Variants in PXDC1 observed in about 807,000 individuals in gnomAD.
PXDC1 encodes the protein PX domain containing 1, also known as PX domain-containing protein 1.
In PXDC1, 13 loss-of-function variants were observed where a neutral mutation model predicts 24.4. The ratio of observed to expected loss-of-function variants is 0.53; its 90% CI spans 0.35 to 0.85. The LOEUF is 0.85. Among genes scored for constraint, PXDC1 ranks in the 40% least tolerant of loss-of-function variants. PXDC1 has a pLI of 0.01. For missense variants in PXDC1, 344 were observed against 309.3 expected (o/e 1.11, Z -0.84); for synonymous variants, 162 against 124.9 (o/e 1.30, Z -1.98).
At chr6:3,738,222 G>A (rs1760372773) in intron 1 of PXDC1, 74 bp from the exon 2 acceptor site, 4 of 1,143,958 alleles carry the variant, frequency 3.5e-6, no homozygotes, top group South Asian at 1.2e-5. Flanking sequence ...ATACACAACA[G>A]GTGCCCACAA....
rs369561607 is a variant in PXDC1 at position 3,751,333 on chromosome 6, G to A, written c.199C>T (p.Leu67=). 6.3e-5 allele frequency: 98 copies of A among 1,551,940 alleles called. No individual in the cohort carries two copies. The African/African-American group carries it at 1.1e-3, about 18-fold the overall frequency. Residue 67 remains leucine (L), a synonymous_variant, in exon 1 of 5, where the codon CTG becomes TTG. Coordinates refer to ENST00000380283, the MANE Select transcript of PXDC1 (RefSeq NM_183373.4). ...CGGTCCTCGGGAAAGGCGTCGCGCA[G>A]GCGCTGCCACAGGCGGCCCAGGTCC... ...LADLGRLWQR[L]RDAFPEDRSE...
chr6:3,739,061 G>C, intron 1 of PXDC1: 1 of 1,187,576 alleles, frequency 8.4e-7, no homozygotes, highest in Non-Finnish European at 1.1e-6. Context: ...CACCAACCTA[G>C]TATTATTGGT....
rs757491911 is a variant in PXDC1 at position 3,728,813 on chromosome 6, G to A, written c.467-1151C>T. 1.2e-4 allele frequency among the ~76,000 whole-genome samples: 18 copies of A among 152,226 alleles called. No homozygotes were observed. In the East Asian group the frequency reaches 1.7e-3, roughly 15 times the overall value. ...TGAGGGACCGCGTTTCCGTCCCCTC[G>A]CTCAGCAGATGAGATCTGGTAGCCA... On this transcript the variant is annotated intron_variant, in intron 3 of 4. Transcript: ENST00000380283. The surrounding 1 kb of genome is among the most constrained non-coding windows in gnomAD (Gnocchi z 4.0).
chr6:3,751,433 G>A lies in PXDC1; in HGVS notation c.99C>T (p.Gly33=), dbSNP rs1460579821. 4 of 1,589,680 alleles carry A rather than the reference G, an allele frequency of 2.5e-6. No homozygotes were observed. The highest frequency in any genetic ancestry group is 1.7e-5 in the Admixed American group (1 of 57,378). ...GIRRLIVSRR[G]DEEEFFEIRT... ...GGATCTCGAAGAACTCCTCTTCGTC[G>A]CCGCGCCGGCTGACGATGAGCCTGC... Residue 33 remains glycine (G), a synonymous_variant, in exon 1 of 5, where the codon GGC becomes GGT. Coordinates refer to ENST00000380283, the MANE Select transcript of PXDC1 (RefSeq NM_183373.4).
chr6:3,738,659 A>G (rs897377324), intron 1 of PXDC1: 3 of 518,206 alleles, frequency 5.8e-6, no homozygotes, highest in Admixed American at 6.8e-5. Flanking sequence ...CAAGGAAAAA[A>G]GTCAGATCTC....
chr6:3,740,024 C>T (rs546981630), intron 1 of PXDC1, among the ~76,000 whole-genome samples: 1 of 152,338 alleles, frequency 6.6e-6, no homozygotes, highest in African/African-American at 2.4e-5. Flanking sequence ...TATATTTCAA[C>T]TTTCATTACA....
In PXDC1 at chr6:3,737,308, C is replaced by T. The variant is rs998342917; in HGVS notation, c.349-112G>A. 22 of 764,032 alleles carry T rather than the reference C, an allele frequency of 2.9e-5. No individual in the cohort carries two copies. Among genetic ancestry groups the T allele is most frequent in the Admixed American group, 4.2e-5 (2 of 48,018 alleles). The allele number at this position is 764,032 out of a possible 1,614,324, so 47.3% of individuals were successfully genotyped here. A position where few individuals can be genotyped will look rare whatever the true frequency, so the allele number is the denominator to read the frequency against. On this transcript the variant is annotated intron_variant, in intron 2 of 4. Coordinates refer to ENST00000380283, the MANE Select transcript of PXDC1 (RefSeq NM_183373.4). This position sits in a 1 kb window ranked among gnomAD's most constrained non-coding sequence, Gnocchi z 5.5. ...GCAGAGGCAGCCTGTGTGATGCAAA[C>T]GCCCCATGAATGTCCAGATGCTCCC...
intron 1 of PXDC1, among the ~76,000 whole-genome samples, chr6:3,749,272 C>T (rs1283326489): frequency 1.3e-5 from 2 of 151,170 alleles, no homozygotes; most frequent in African/African-American, 2.4e-5. Context: ...GTGAGAAAGT[C>T]CTTTACACCC....
intron 1 of PXDC1, among the ~76,000 whole-genome samples, chr6:3,741,454 C>A (rs963728481): frequency 7.9e-5 from 12 of 152,198 alleles, no homozygotes; most frequent in Non-Finnish European, 1.6e-4. Context: ...AAGGGCACGT[C>A]CATTATTGAA....
intron 1 of PXDC1, among the ~76,000 whole-genome samples, chr6:3,741,800 C>G (rs1760454257): frequency 6.6e-6 from 1 of 152,246 alleles, no homozygotes; most frequent in Non-Finnish European, 1.5e-5. Context: ...AGACTACAGA[C>G]AGCCTGGCCT....
chr6:3,748,524 T>C (rs1448236115), intron 1 of PXDC1, among the ~76,000 whole-genome samples: 3 of 152,052 alleles, frequency 2.0e-5, no homozygotes, highest in African/African-American at 7.2e-5. Flanking sequence ...CCGTGACACA[T>C]ACAAGGCCCA....
Position 3,737,969 on chromosome 6 carries a change from A to G in PXDC1, c.348+88T>C. ...TAAGTGAGACAGAGCAAGCAAGTCA[A>G]CCCTCCGGGGGGATGGACGCCTTTC... On this transcript the variant is annotated intron_variant, in intron 2 of 4. Coordinates refer to ENST00000380283, the MANE Select transcript of PXDC1 (RefSeq NM_183373.4). The surrounding 1 kb of genome is among the most constrained non-coding windows in gnomAD (Gnocchi z 5.5). The G allele has an allele frequency of 9.0e-7, 1 of 1,107,748 alleles. No individual in the cohort carries two copies. Among genetic ancestry groups the G allele is most frequent in the Non-Finnish European group, 1.4e-6 (1 of 738,810 alleles). The allele number at this position is 1,107,748 out of a possible 1,614,324, so 68.6% of individuals were successfully genotyped here.
chr6:3,738,495 C>A (rs1581247573), intron 1 of PXDC1, among the ~76,000 whole-genome samples: 1 of 152,200 alleles, frequency 6.6e-6, no homozygotes, highest in South Asian at 2.1e-4. Flanking sequence ...TCAGGCCCCA[C>A]CAGCGTGGTG....
In PXDC1 at chr6:3,724,332, T is replaced by C. The variant is rs532116660; in HGVS notation, c.579-596A>G. On this transcript the variant is annotated intron_variant, in intron 4 of 4. Transcript: ENST00000380283. This position sits in a 1 kb window ranked among gnomAD's most constrained non-coding sequence, Gnocchi z 4.5. ...AGCATCCGAACATGGGGGACTTACATGGGGTGTGGAGAACTAGGGAAGAAT... is the reference window on the plus strand; with the variant it reads ...AGCATCCGAACATGGGGGACTTACACGGGGTGTGGAGAACTAGGGAAGAAT... Among the ~76,000 whole-genome samples the C allele has an allele frequency of 1.3e-5, 2 of 152,032 alleles. No homozygotes were observed. The highest frequency in any genetic ancestry group is 4.8e-5 in the African/African-American group (2 of 41,440).
In PXDC1 at chr6:3,738,122, C is replaced by T. The variant is rs1283560756; in HGVS notation, c.283G>A (p.Asp95Asn). 22 of 1,614,072 alleles carry T rather than the reference C, an allele frequency of 1.4e-5. No individual in the cohort carries two copies. Among genetic ancestry groups the T allele is most frequent in the East Asian group, 2.2e-5 (1 of 44,874 alleles). The change falls in exon 2 of 5, where the codon GAC (aspartate) becomes AAC (asparagine). Residue 95 changes from aspartate to asparagine, a missense_variant. Physicochemically the swap from Asp to Asn is conservative, Grantham distance 23. Transcript: ENST00000380283. The stretch of plus-strand genomic sequence containing the variant: ...ACCTCATTAAGCCTGGTCTCTATGT[C>T]GTGGGCTTCCTTTATGGCAACCAGT... ...QGLVAIKEAHDIETRLNEVEK... is the reference protein window; with the variant it reads ...QGLVAIKEAHNIETRLNEVEK...
chr6:3,731,482 G>A (rs1760194620), intron 3 of PXDC1, among the ~76,000 whole-genome samples: 1 of 152,326 alleles, frequency 6.6e-6, no homozygotes, highest in African/African-American at 2.4e-5. Flanking sequence ...CTGATTCCAT[G>A]AAATAGTTGA....
In PXDC1 at chr6:3,734,854, G is replaced by A. The variant is rs6918910; in HGVS notation, c.466+2225C>T. Among the ~76,000 whole-genome samples, 1,411 of 152,252 alleles carry A rather than the reference G, an allele frequency of 9.3e-3. 26 individuals carry two copies. Among genetic ancestry groups the A allele is most frequent in the African/African-American group, 0.033 (1,355 of 41,536 alleles). On this transcript the variant is annotated intron_variant, in intron 3 of 4. Coordinates refer to ENST00000380283, the MANE Select transcript of PXDC1 (RefSeq NM_183373.4). The stretch of plus-strand genomic sequence containing the variant: ...AATCCCAGCACTTTGGGAGGCTAAG[G>A]CAGATGGATTGCTTGAGCTCAGGAG...
chr6:3,737,059 G>T lies in PXDC1; in HGVS notation c.466+20C>A. 1 of 1,444,214 alleles carries T rather than the reference G, an allele frequency of 6.9e-7. No individual in the cohort carries two copies. Among genetic ancestry groups the T allele is most frequent in the Non-Finnish European group, 9.8e-7 (1 of 1,024,888 alleles). The allele number at this position is 1,444,214 out of a possible 1,614,324, so 89.5% of individuals were successfully genotyped here. The stretch of plus-strand genomic sequence containing the variant: ...CTCAACAGCAGTCCCTCCCACCAAC[G>T]CCTCCTTTGTGGCTCTTACCTGATA... On this transcript the variant is annotated intron_variant, in intron 3 of 4. Coordinates refer to ENST00000380283, the MANE Select transcript of PXDC1 (RefSeq NM_183373.4). The surrounding 1 kb of genome is among the most constrained non-coding windows in gnomAD (Gnocchi z 5.5).
chr6:3,739,177 A>C, intron 1 of PXDC1: 1 of 1,086,210 alleles, frequency 9.2e-7, no homozygotes, highest in East Asian at 6.6e-5. Context: ...AGAGAGATAA[A>C]AAAAGATTTC....
Sources: allele counts gnomAD v4.1 joint callset (sites outside exome capture counted in the v4.1 genomes callset), GRCh38; gene constraint gnomAD v4.1.1; non-coding constraint Gnocchi (gnomAD v3.1); transcripts MANE v1.5; gene names NCBI Gene and HGNC (gene_info 2026-07-23, HGNC 2026-07-21).